Variants in SGCZ observed in about 807,000 individuals in gnomAD.
SGCZ encodes the protein sarcoglycan zeta.
In SGCZ, 40 loss-of-function variants were observed where a neutral mutation model predicts 41.3. The ratio of observed to expected loss-of-function variants is 0.97; its 90% confidence interval spans 0.75 to 1.26. SGCZ has a LOEUF of 1.26. Ranked by LOEUF, SGCZ falls within the 50% of genes most tolerant of loss-of-function variation. SGCZ has a pLI of 0.00. For synonymous variants in SGCZ, 206 were observed against 137.5 expected, an observed-to-expected ratio of 1.50 and a Z score of -3.49; for missense variants, 552 against 369.8, an observed-to-expected ratio of 1.49 and a Z score of -4.04.
chr8:15,167,979 G>C (rs1799714605), intron 1 of SGCZ, among the ~76,000 whole-genome samples: 1 of 152,180 alleles, frequency 6.6e-6, no homozygotes, highest in African/African-American at 2.4e-5. Flanking sequence ...GTAAGACCAA[G>C]GGAGCTAACC....
At chr8:15,216,344 C>T (rs571420543) in intron 1 of SGCZ, among the ~76,000 whole-genome samples, 5 of 151,698 alleles carry the variant, frequency 3.3e-5, no homozygotes, top group Admixed American at 1.3e-4. Context: ...CTCAGCCTCC[C>T]GAGTAGCTGG....
At chr8:14,387,678 A>G (rs776649232) in intron 2 of SGCZ, among the ~76,000 whole-genome samples, 2 of 152,072 alleles carry the variant, frequency 1.3e-5, no homozygotes, top group African/African-American at 2.4e-5. Flanking sequence ...CTGAATAAAA[A>G]TATTTTATAT....
intron 1 of SGCZ, among the ~76,000 whole-genome samples, chr8:14,590,818 A>G (rs556029359): frequency 6.7e-6 from 1 of 148,184 alleles, no homozygotes; most frequent in East Asian, 2.0e-4. Flanking sequence ...TATGATATAT[A>G]ATATATCATG....
intron 1 of SGCZ, among the ~76,000 whole-genome samples, chr8:14,950,283 G>A (rs1800590379): frequency 6.6e-6 from 1 of 151,960 alleles, no homozygotes; most frequent in Non-Finnish European, 1.5e-5. Context: ...ATGAAGTTCT[G>A]TATTGCCAAG....
intron 1 of SGCZ, among the ~76,000 whole-genome samples, chr8:14,940,755 G>A (rs1005269446): frequency 1.3e-5 from 2 of 152,232 alleles, no homozygotes; most frequent in East Asian, 3.9e-4. Context: ...GTGTATGTGT[G>A]TGTGTGTCTG....
At chr8:14,574,080 T>G (rs1804637927) in intron 1 of SGCZ, among the ~76,000 whole-genome samples, 1 of 152,276 alleles carries the variant, frequency 6.6e-6, no homozygotes, top group Admixed American at 6.5e-5. Context: ...GAGTAATAGA[T>G]GCTCTAGGAA....
chr8:14,556,058 C>A (rs1362607226), intron 1 of SGCZ, among the ~76,000 whole-genome samples: 3 of 151,742 alleles, frequency 2.0e-5, no homozygotes, highest in African/African-American at 7.3e-5. Context: ...TTTCAATAAG[C>A]AAATGCATTT....
chr8:14,340,764 CT>C (rs1441061779), intron 2 of SGCZ, among the ~76,000 whole-genome samples: 1 of 152,014 alleles, frequency 6.6e-6, no homozygotes, highest in Non-Finnish European at 1.5e-5. Context: ...AGGTAACATG[CT>C]TTTTTATTGT....
intron 5 of SGCZ, among the ~76,000 whole-genome samples, chr8:14,138,231 A>C (rs1235131487): frequency 1.3e-5 from 2 of 152,234 alleles, no homozygotes; most frequent in African/African-American, 2.4e-5. Context: ...AAAACATGCC[A>C]AATTGTAAAG....
intron 1 of SGCZ, among the ~76,000 whole-genome samples, chr8:14,688,099 T>C (rs1472505702): frequency 6.6e-6 from 1 of 152,202 alleles, no homozygotes; most frequent in African/African-American, 2.4e-5. Flanking sequence ...TATTAGCCCT[T>C]TGTCAGATGA....
At chr8:14,570,888 A>G (rs1015419951) in intron 1 of SGCZ, among the ~76,000 whole-genome samples, 1 of 152,230 alleles carries the variant, frequency 6.6e-6, no homozygotes, top group African/African-American at 2.4e-5. Context: ...AATGACTAGA[A>G]GCGATAAGAA....
Position 14,339,632 on chromosome 8 carries a change from A to T in SGCZ, c.235-15428T>A, listed in dbSNP as rs544081654. Among the ~76,000 whole-genome samples, 20 of 152,322 alleles carry T rather than the reference A, an allele frequency of 1.3e-4. No individual in the cohort carries two copies. The South Asian group carries it at 3.1e-3, about 24-fold the overall frequency. ...CATGTTAGGAGGTTGGTACTTGAAT[A>T]AAACCTAAGCATCTATTAGTGGAAC... On this transcript the variant is annotated intron_variant, in intron 2 of 7. Coordinates refer to ENST00000382080, the MANE Select transcript of SGCZ (RefSeq NM_139167.4).
chr8:14,962,028 A>C (rs1172074717), intron 1 of SGCZ, among the ~76,000 whole-genome samples: 1 of 152,204 alleles, frequency 6.6e-6, no homozygotes, highest in Non-Finnish European at 1.5e-5. Context: ...TTAATCTGAA[A>C]AACTTTAAGA....
chr8:14,129,743 T>C (rs956618694), intron 5 of SGCZ, among the ~76,000 whole-genome samples: 2 of 137,212 alleles, frequency 1.5e-5, no homozygotes, highest in Non-Finnish European at 3.1e-5. Context: ...CAATAACATA[T>C]AAAATAATAT....
intron 1 of SGCZ, among the ~76,000 whole-genome samples, chr8:14,611,306 GA>G (rs1329616893): frequency 7.4e-6 from 1 of 134,672 alleles, no homozygotes; most frequent in African/African-American, 2.7e-5. Flanking sequence ...ATCTCAAATG[GA>G]GAGAGTAAAT....
intron 2 of SGCZ, among the ~76,000 whole-genome samples, chr8:14,368,051 T>C (rs966709298): frequency 6.6e-6 from 1 of 152,084 alleles, no homozygotes; most frequent in Non-Finnish European, 1.5e-5. Context: ...TATATAATTG[T>C]CAAGGTATTT....
chr8:14,986,729 C>T (rs998653068), intron 1 of SGCZ, among the ~76,000 whole-genome samples: 2 of 151,978 alleles, frequency 1.3e-5, no homozygotes, highest in African/African-American at 4.8e-5. Flanking sequence ...ATTATCTCTC[C>T]TGACCTGGTT....
rs186624587 is a variant in SGCZ at position 15,211,354 on chromosome 8, C to T, written c.39+26231G>A. Among the ~76,000 whole-genome samples the T allele has an allele frequency of 5.9e-4, 89 of 151,970 alleles. 1 individual carries two copies. Among genetic ancestry groups the T allele is most frequent in the Middle Eastern group, 3.4e-3 (1 of 290 alleles). ...TTCACAATTAAATCAGACTCCTTTA[C>T]CTTTCCCAATGTGCTTTCTGTGTTT... On this transcript the variant is annotated intron_variant, in intron 1 of 7. Coordinates refer to ENST00000382080, the MANE Select transcript of SGCZ (RefSeq NM_139167.4).
intron 1 of SGCZ, among the ~76,000 whole-genome samples, chr8:15,046,203 A>C (rs1395446915): frequency 1.3e-5 from 2 of 152,074 alleles, no homozygotes; most frequent in Non-Finnish European, 1.5e-5. Flanking sequence ...ATTAAAGCCT[A>C]ATATCTTCCA....
Sources: allele counts gnomAD v4.1 joint callset (sites outside exome capture counted in the v4.1 genomes callset), GRCh38; gene constraint gnomAD v4.1.1; transcripts MANE v1.5; gene names NCBI Gene and HGNC (gene_info 2026-07-23, HGNC 2026-07-21).